The following DCLK3 variants were observed in gnomAD, a reference collection of about 807,000 sequenced individuals.
DCLK3 encodes the protein serine/threonine-protein kinase DCLK3.
DCLK3 carries 30 observed loss-of-function variants against 46.4 expected under a neutral mutation model. That is an observed-to-expected ratio of 0.65 (90% CI 0.48 to 0.88). The LOEUF (loss-of-function observed/expected upper bound fraction) is 0.88, where lower values mean the gene tolerates loss of function less well. Ranked by LOEUF, DCLK3 falls within the 40% of genes least tolerant of loss-of-function variation. The pLI, the probability that DCLK3 is intolerant of heterozygous loss-of-function variation, is 0.00. For missense variants in DCLK3, 846 were observed against 907.1 expected (o/e 0.93, Z 0.87); for synonymous variants, 401 against 339.2 (o/e 1.18, Z -2.00).
intron 1 of DCLK3, among the ~76,000 whole-genome samples, chr3:36,759,270 C>A (rs1701516327): frequency 2.6e-5 from 4 of 152,182 alleles, no homozygotes; most frequent in Admixed American, 1.3e-4. Context: ...CAGCCGCCAT[C>A]CCCTATTTCC....
At position 36,738,046 on chromosome 3, in the gene DCLK3, C is replaced by A; in HGVS notation, c.1121G>T (p.Ser374Ile). ...CTCTTGAGTGGGATTCCTGGGGCTG[C>A]TCCTGTGGCTGTCACCCTTCCACCC... is the stretch of plus-strand genomic sequence containing the variant. ...EEGWKGDSHR[S>I]SPRNPTQELR... The change falls in exon 2 of 5, where the codon AGC (serine) becomes ATC (isoleucine). Residue 374 changes from serine to isoleucine, a missense_variant. Physicochemically the swap from Ser to Ile is moderately radical, Grantham distance 142. This residue lies in a region of DCLK3 where 553 missense variants were observed against 543.0 expected (regional missense o/e 1.02). Coordinates refer to ENST00000636136, the MANE Select transcript of DCLK3 (RefSeq NM_001394672.2). 1 of 1,613,996 alleles carries A rather than the reference C, an allele frequency of 6.2e-7. No individual in the cohort carries two copies. The highest frequency in any genetic ancestry group is 8.5e-7 in the Non-Finnish European group (1 of 1,179,948).
intron 1 of DCLK3, among the ~76,000 whole-genome samples, chr3:36,751,246 G>A (rs1207615601): frequency 6.6e-6 from 1 of 152,074 alleles, no homozygotes; most frequent in Admixed American, 6.5e-5. Context: ...GATGAAGCCA[G>A]GCATCCAATC....
chr3:36,747,638 C>T (rs545710433), intron 1 of DCLK3, among the ~76,000 whole-genome samples: 3 of 152,206 alleles, frequency 2.0e-5, no homozygotes, highest in South Asian at 2.1e-4. Flanking sequence ...GTGAAAGGAA[C>T]AACTTCACAA....
At chr3:36,739,934 G>T (rs1701326666) in intron 1 of DCLK3, 1 of 152,096 alleles carries the variant, frequency 6.6e-6, no homozygotes, top group Admixed American at 6.5e-5. Flanking sequence ...GAACATTCCA[G>T]AATTTTGAAA....
chr3:36,757,174 T>C (rs765784184), intron 1 of DCLK3, among the ~76,000 whole-genome samples: 16 of 151,890 alleles, frequency 1.1e-4, no homozygotes, highest in Non-Finnish European at 2.1e-4. Context: ...ACCACAGGGG[T>C]TTATTTTCGG....
chr3:36,727,014 C>G (rs912978115), intron 2 of DCLK3, among the ~76,000 whole-genome samples: 1 of 152,018 alleles, frequency 6.6e-6, no homozygotes, highest in African/African-American at 2.4e-5. Context: ...TGGCCAGGCA[C>G]AGTGGCTCAT....
intron 2 of DCLK3, among the ~76,000 whole-genome samples, chr3:36,726,507 G>T (rs965864927): frequency 2.6e-5 from 4 of 152,134 alleles, no homozygotes; most frequent in African/African-American, 7.2e-5. Flanking sequence ...TGCCTGGACA[G>T]GTGGGCAGTA....
intron 4 of DCLK3, among the ~76,000 whole-genome samples, chr3:36,717,482 C>A (rs182255087): frequency 6.6e-6 from 1 of 152,060 alleles, no homozygotes; most frequent in Admixed American, 6.5e-5. Flanking sequence ...GTAGTACAGA[C>A]AAATCAGTAG....
chr3:36,752,335 G>T (rs1436717651), intron 1 of DCLK3, among the ~76,000 whole-genome samples: 1 of 152,108 alleles, frequency 6.6e-6, no homozygotes, highest in Non-Finnish European at 1.5e-5. Context: ...TCCTTGCTTG[G>T]CCGCACTCCC....
intron 2 of DCLK3, among the ~76,000 whole-genome samples, chr3:36,722,390 T>A (rs2125522301): frequency 6.6e-6 from 1 of 152,312 alleles, no homozygotes; most frequent in East Asian, 1.9e-4. Context: ...GCAAAAGTAA[T>A]CACACAAGGA....
chr3:36,755,695 G>C (rs898250548), intron 1 of DCLK3, among the ~76,000 whole-genome samples: 1 of 152,132 alleles, frequency 6.6e-6, no homozygotes, highest in South Asian at 2.1e-4. Flanking sequence ...GTGTAGGATG[G>C]AGAAGTGGAG....
rs11303085 is a variant in DCLK3 at position 36,725,311 on chromosome 3, C to CA, written c.1960-3653dup. ...TGGGCGACAGAGCGAGACTCCGTCT[C>CA]AAAAAAAAAAAAAACGGGGGGTGGG... On this transcript the variant is annotated intron_variant, in intron 2 of 4. Coordinates refer to ENST00000636136, the MANE Select transcript of DCLK3 (RefSeq NM_001394672.2). Among the ~76,000 whole-genome samples the CA allele has an allele frequency of 1.4e-3, 192 of 133,314 alleles. No individual in the cohort carries two copies. The Middle Eastern group carries it at 0.015, about 10-fold the overall frequency. The allele number at this position is 133,314 out of a possible 152,430, so 87.5% of individuals were successfully genotyped here.
chr3:36,729,043 C>G (rs1390781341), intron 2 of DCLK3, among the ~76,000 whole-genome samples: 1 of 152,128 alleles, frequency 6.6e-6, no homozygotes. Flanking sequence ...TCTGGATGGC[C>G]CCCATGATGC....
chr3:36,738,617 C>T lies in DCLK3; in HGVS notation c.550G>A (p.Val184Ile), dbSNP rs773763579. Residue 184 changes from valine (V) to isoleucine (I), a missense_variant, in exon 2 of 5, where the codon GTA (valine) becomes ATA (isoleucine). Coordinates refer to ENST00000636136, the MANE Select transcript of DCLK3 (RefSeq NM_001394672.2). ...GCTTTGTTGGGGTACAGTTCTTCTA[C>T]AGCCACCTGAATGCTCTTCAGTGTC... is the stretch of plus-strand genomic sequence containing the variant. ...PLTLKSIQVAVEELYPNKARA... is the reference protein window; with the variant it reads ...PLTLKSIQVAIEELYPNKARA... 2.9e-6 allele frequency: 4 copies of T among 1,369,946 alleles called. No individual in the cohort carries two copies. In the East Asian group the frequency reaches 1.1e-4, roughly 38 times the overall value. The allele number at this position is 1,369,946 out of a possible 1,614,324, so 84.9% of individuals were successfully genotyped here.
intron 1 of DCLK3, among the ~76,000 whole-genome samples, chr3:36,751,833 C>A (rs1456456440): frequency 6.6e-6 from 1 of 152,160 alleles, no homozygotes; most frequent in East Asian, 1.9e-4. Flanking sequence ...AGGTGTTGCA[C>A]GGAAGAACCC....
In DCLK3 at chr3:36,727,216, G is replaced by A. The variant is rs541268820; in HGVS notation, c.1960-5557C>T. On this transcript the variant is annotated intron_variant, in intron 2 of 4. Coordinates refer to ENST00000636136, the MANE Select transcript of DCLK3 (RefSeq NM_001394672.2). ...AGGCAGGAGAATCACTTGAACCCCG[G>A]AGATGGAGGTTGCAGTGAGCTGAGG... 2.6e-5 allele frequency among the ~76,000 whole-genome samples: 4 copies of A among 152,308 alleles called. No individual in the cohort carries two copies. In the South Asian group the frequency reaches 8.3e-4, roughly 32 times the overall value.
intron 1 of DCLK3, among the ~76,000 whole-genome samples, chr3:36,741,914 C>T (rs907462017): frequency 2.0e-5 from 3 of 152,070 alleles, no homozygotes; most frequent in African/African-American, 7.2e-5. Flanking sequence ...ATCTATAGTC[C>T]CTGGAAAGGA....
intron 1 of DCLK3, among the ~76,000 whole-genome samples, chr3:36,748,262 A>G (rs566077472): frequency 4.6e-5 from 7 of 152,254 alleles, no homozygotes; most frequent in Admixed American, 3.3e-4. Flanking sequence ...CTGGGGAGCA[A>G]TGAGAAAGAG....
At position 36,764,446 on chromosome 3, in the gene DCLK3, C is replaced by A. The variant is rs1701568582; in HGVS notation, c.-183G>T. 1 of 168,318 alleles carries A rather than the reference C, an allele frequency of 5.9e-6. No individual in the cohort carries two copies. Among genetic ancestry groups the A allele is most frequent in the South Asian group, 1.8e-4 (1 of 5,516 alleles). 10.4% of individuals were successfully genotyped at this position (168,318 alleles called of 1,614,324 possible). On this transcript the variant is annotated 5_prime_UTR_variant, in exon 1 of 5. Transcript: ENST00000636136. The surrounding 1 kb of genome is among the most constrained non-coding windows in gnomAD (Gnocchi z 4.9). ...TGCCAGCCCCGCGCCGCGCAGCGCC[C>A]GGCGACAGCCACCGGGAACGTCTCC...
Sources: gnomAD v4.1 joint callset for allele counts (sites outside exome capture counted in the v4.1 genomes callset) on GRCh38, gnomAD v4.1.1 for gene constraint, gnomAD v4.1.1 regional missense constraint, Gnocchi (gnomAD v3.1) non-coding constraint, MANE v1.5 for transcripts, NCBI Gene and HGNC (gene_info 2026-07-23, HGNC 2026-07-21) for gene names.